INTS10: variants seen among roughly 807,000 people sequenced by gnomAD.
INTS10 encodes the protein integrator complex subunit 10, also known as chromosome 8 open reading frame 35.
Under a neutral mutation model 94.4 loss-of-function variants are expected in INTS10, and 44 were observed. The ratio of observed to expected loss-of-function variants is 0.47; its 90% CI spans 0.37 to 0.60. INTS10 has a LOEUF of 0.60. Among genes scored for constraint, INTS10 ranks in the 20% least tolerant of loss-of-function variants. INTS10 has a pLI of 0.00. For missense variants in INTS10, 797 were observed against 868.7 expected (o/e 0.92, Z 1.04); for synonymous variants, 341 against 320.7 (o/e 1.06, Z -0.68).
rs769114647 is a variant in INTS10 at position 19,843,929 on chromosome 8, C to G, written c.1720-147C>G. On this transcript the variant is annotated intron_variant, in intron 14 of 16. Coordinates refer to ENST00000397977, the MANE Select transcript of INTS10 (RefSeq NM_018142.4). The surrounding 1 kb of genome is among the most constrained non-coding windows in gnomAD (Gnocchi z 4.7). ...CAGCTGTGATGTTTACCAGCCATTT[C>G]GTTGTGCCTTTGTTTCCTTCTTACT... The G allele has an allele frequency of 3.5e-6, 2 of 577,780 alleles. No homozygotes were observed. The highest frequency in any genetic ancestry group is 2.9e-6 in the Non-Finnish European group (1 of 340,096). 35.8% of individuals were successfully genotyped at this position (577,780 alleles called of 1,614,324 possible). A position where few individuals can be genotyped will look rare whatever the true frequency, so the allele number is the denominator to read the frequency against.
chr8:19,825,099 A>G (rs1419143412), intron 8 of INTS10, 127 bp downstream of exon 8: 1 of 755,224 alleles, frequency 1.3e-6, no homozygotes, highest in Admixed American at 2.9e-5. Flanking sequence ...TCCTTTTTAT[A>G]GTTGGCGATT....
At chr8:19,826,075 T>A (rs976595423) in intron 8 of INTS10, among the ~76,000 whole-genome samples, 1 of 152,178 alleles carries the variant, frequency 6.6e-6, no homozygotes, top group Non-Finnish European at 1.5e-5. Flanking sequence ...GCTGCATTTT[T>A]AAATTTTTTT....
chr8:19,820,587 G>A (rs2066296014), intron 4 of INTS10, 69 bp downstream of exon 4: 1 of 1,382,092 alleles, frequency 7.2e-7, no homozygotes. Context: ...CATCGGTATG[G>A]TGAGGAGCTA....
chr8:19,830,658 A>G (rs2067158401), intron 10 of INTS10, 99 bp downstream of exon 10: 3 of 1,123,144 alleles, frequency 2.7e-6, no homozygotes, highest in South Asian at 3.0e-5. Context: ...AGTTGATTAC[A>G]GTAGTTCATG....
At position 19,843,003 on chromosome 8, in the gene INTS10, C is replaced by T. The variant is rs566682490; in HGVS notation, c.1719+76C>T. The T allele has an allele frequency of 7.2e-5, 74 of 1,025,372 alleles. No homozygotes were observed. The African/African-American group carries it at 1.1e-3, about 15-fold the overall frequency. 63.5% of individuals were successfully genotyped at this position (1,025,372 alleles called of 1,614,324 possible). Reference sequence around the variant, plus strand: ...TCTCATGACTCGAGAACTTGAGAACCTTGCTAAGGATTGTTATTTTAGTAC... The same window carrying T: ...TCTCATGACTCGAGAACTTGAGAACTTTGCTAAGGATTGTTATTTTAGTAC... On this transcript the variant is annotated intron_variant, in intron 14 of 16. Coordinates refer to ENST00000397977, the MANE Select transcript of INTS10 (RefSeq NM_018142.4). This position sits in a 1 kb window ranked among gnomAD's most constrained non-coding sequence, Gnocchi z 4.7.
intron 13 of INTS10, chr8:19,841,974 G>A: frequency 7.3e-6 from 2 of 272,748 alleles, no homozygotes; most frequent in Admixed American, 9.6e-5. Flanking sequence ...GTGTGTACAG[G>A]ATCCCATGTG....
intron 12 of INTS10, among the ~76,000 whole-genome samples, chr8:19,833,873 G>A (rs936013925): frequency 6.6e-6 from 1 of 152,072 alleles, no homozygotes; most frequent in African/African-American, 2.4e-5. Flanking sequence ...TGGGTGTGGT[G>A]GTGGGCACCT....
chr8:19,818,621 C>A (rs932316689), intron 2 of INTS10: 19 of 439,822 alleles, frequency 4.3e-5, no homozygotes, highest in African/African-American at 3.6e-4. Flanking sequence ...TCAAACACTA[C>A]TTGTTATAGA....
intron 8 of INTS10, among the ~76,000 whole-genome samples, chr8:19,825,696 C>G (rs1355240568): frequency 6.6e-6 from 1 of 152,012 alleles, no homozygotes; most frequent in Non-Finnish European, 1.5e-5. Context: ...TGAAATCACC[C>G]ACAATCCTTC....
intron 3 of INTS10, among the ~76,000 whole-genome samples, 199 bp from the exon 4 acceptor site, chr8:19,820,180 A>AC (rs200109571): frequency 7.2e-6 from 1 of 139,094 alleles, no homozygotes; most frequent in East Asian, 2.1e-4. Context: ...TCTTGCAAAT[A>AC]TTTTACCATT....
intron 13 of INTS10, chr8:19,841,715 C>A: frequency 2.4e-6 from 1 of 417,194 alleles, no homozygotes; most frequent in Non-Finnish European, 4.8e-6. Flanking sequence ...TTCTGGAAAC[C>A]AACTTCCCAT....
chr8:19,825,997 G>A (rs1022322295), intron 8 of INTS10, among the ~76,000 whole-genome samples: 1 of 152,134 alleles, frequency 6.6e-6, no homozygotes, highest in Non-Finnish European at 1.5e-5. Flanking sequence ...CACACTGAAC[G>A]TATTTTTAAT....
intron 3 of INTS10, 49 bp from the exon 4 acceptor site, chr8:19,820,330 T>A: frequency 6.4e-7 from 1 of 1,570,892 alleles, no homozygotes; most frequent in South Asian, 1.2e-5. Flanking sequence ...GTTGCTGCAG[T>A]CTTTTCTGTC....
Position 19,818,359 on chromosome 8 carries a change from A to T in INTS10, c.197+17A>T. 6.2e-7 allele frequency: 1 copy of T among 1,612,508 alleles called. No homozygotes were observed. The highest frequency in any genetic ancestry group is 8.5e-7 in the Non-Finnish European group (1 of 1,179,216). ...GTACGACATGTGAGTGGGACGCTTG[A>T]CATCACTTTTACTGCACTGAATCTC... is the stretch of plus-strand genomic sequence containing the variant. On this transcript the variant is annotated intron_variant, in intron 2 of 16. Coordinates refer to ENST00000397977, the MANE Select transcript of INTS10 (RefSeq NM_018142.4).
Position 19,817,648 on chromosome 8 carries a change from G to A in INTS10, c.111G>A (p.Pro37=), listed in dbSNP as rs757111862. 3.1e-6 allele frequency: 5 copies of A among 1,607,084 alleles called. No individual in the cohort carries two copies. Among genetic ancestry groups the A allele is most frequent in the South Asian group, 2.2e-5 (2 of 89,780 alleles). Residue 37 remains proline (P), a synonymous_variant, in exon 1 of 17, where the codon CCG becomes CCA. Transcript: ENST00000397977. The part of the protein sequence containing the change: ...AWLITARSLY[P]ADFNIQYEMY... ...TGATCACGGCCCGCAGCCTCTACCC[G>A]GCAGACTTTAACATCCAGGTGAGGT...
At chr8:19,842,369 T>C (rs1378561883) in intron 13 of INTS10, among the ~76,000 whole-genome samples, 17 of 152,184 alleles carry the variant, frequency 1.1e-4, no homozygotes, top group Admixed American at 1.1e-3. Flanking sequence ...GAACAATCCA[T>C]TGTTGTTTAC....
intron 16 of INTS10, among the ~76,000 whole-genome samples, chr8:19,847,348 G>A (rs10112736): frequency 0.12 from 18,843 of 152,216 alleles, 1,314 homozygotes; most frequent in East Asian, 0.29. Context: ...ATCGTGAATC[G>A]AAACTTTGGG....
At chr8:19,839,402 TCA>T (rs1313712175) in intron 13 of INTS10, among the ~76,000 whole-genome samples, 3 of 151,656 alleles carry the variant, frequency 2.0e-5, no homozygotes, top group Non-Finnish European at 4.4e-5. Context: ...GTACCTTTAT[TCA>T]CAGTTACATA....
chr8:19,819,808 A>G (rs1404510538), intron 3 of INTS10, 132 bp downstream of exon 3: 6 of 635,456 alleles, frequency 9.4e-6, no homozygotes, highest in Non-Finnish European at 1.7e-5. Flanking sequence ...CAAAGTCTAT[A>G]ATAATGTCAC....
Sources: allele counts gnomAD v4.1 joint callset (sites outside exome capture counted in the v4.1 genomes callset), GRCh38; gene constraint gnomAD v4.1.1; non-coding constraint Gnocchi (gnomAD v3.1); transcripts MANE v1.5; gene names NCBI Gene and HGNC (gene_info 2026-07-23, HGNC 2026-07-21).